Variants in DPP10 observed in about 807,000 individuals in gnomAD.
DPP10 encodes the protein inactive dipeptidyl peptidase 10.
DPP10 carries 33 observed loss-of-function variants against 120.9 expected under a neutral mutation model. The observed-to-expected ratio is 0.27, with a 90% confidence interval of 0.21 to 0.37. The LOEUF (loss-of-function observed/expected upper bound fraction) is 0.37. Among genes scored for constraint, DPP10 ranks in the 10% least tolerant of loss-of-function variants. The probability of loss-of-function intolerance (pLI) is 1.00; values close to 1 mark genes in which losing one functional copy is unlikely to be tolerated. For synonymous variants in DPP10, 337 were observed against 326.1 expected (o/e 1.03, Z -0.36); for missense variants, 816 against 942.8 (o/e 0.87, Z 1.76).
At chr2:115,112,335 G>A (rs952471599) in intron 1 of DPP10, among the ~76,000 whole-genome samples, 7 of 151,238 alleles carry the variant, frequency 4.6e-5, no homozygotes, top group African/African-American at 1.5e-4. Context: ...TTTCCTTTCC[G>A]TTCTATAAAG....
intron 1 of DPP10, among the ~76,000 whole-genome samples, chr2:115,198,555 G>C (rs2055455073): frequency 6.6e-6 from 1 of 152,090 alleles, no homozygotes; most frequent in South Asian, 2.1e-4. Context: ...TCTTCTCTCA[G>C]ATTTCTTCAT....
chr2:115,665,228 A>G (rs1339480361), intron 5 of DPP10, among the ~76,000 whole-genome samples: 2 of 152,216 alleles, frequency 1.3e-5, no homozygotes, highest in African/African-American at 4.8e-5. Context: ...AGCAGTCACA[A>G]TGTTACCGTG....
intron 3 of DPP10, among the ~76,000 whole-genome samples, chr2:115,441,565 T>C (rs890861928): frequency 1.3e-5 from 2 of 152,194 alleles, no homozygotes; most frequent in African/African-American, 4.8e-5. Context: ...CCTATGGTTA[T>C]GTTTGAATAT....
At chr2:115,472,886 A>C (rs1485009090) in intron 3 of DPP10, among the ~76,000 whole-genome samples, 3 of 152,200 alleles carry the variant, frequency 2.0e-5, no homozygotes. Context: ...CGCTTGACAA[A>C]ATTTCTAGAA....
intron 1 of DPP10, among the ~76,000 whole-genome samples, chr2:114,821,527 C>T (rs1177158601): frequency 6.6e-6 from 1 of 152,106 alleles, no homozygotes; most frequent in Non-Finnish European, 1.5e-5. Flanking sequence ...AAACACAACC[C>T]CACTTTCCCA....
intron 10 of DPP10, among the ~76,000 whole-genome samples, chr2:115,751,582 G>A (rs954557622): frequency 1.3e-5 from 2 of 152,102 alleles, no homozygotes; most frequent in Non-Finnish European, 2.9e-5. Context: ...GTCAAGTTAT[G>A]CTTGCCCTTC....
intron 5 of DPP10, among the ~76,000 whole-genome samples, chr2:115,614,695 G>A (rs980786367): frequency 4.6e-5 from 7 of 152,268 alleles, no homozygotes; most frequent in South Asian, 2.1e-4. Context: ...GTAAGCAACC[G>A]TGCCAGGCTA....
At chr2:115,407,942 T>C (rs1353084567) in intron 3 of DPP10, among the ~76,000 whole-genome samples, 1 of 152,052 alleles carries the variant, frequency 6.6e-6, no homozygotes, top group African/African-American at 2.4e-5. Flanking sequence ...GGGTACAGAC[T>C]GAAGATGAAT....
At chr2:114,753,649 C>T (rs991229875) in intron 1 of DPP10, among the ~76,000 whole-genome samples, 1 of 152,116 alleles carries the variant, frequency 6.6e-6, no homozygotes, top group East Asian at 1.9e-4. Flanking sequence ...GTGGCTCACG[C>T]CTGTAATCCC....
chr2:114,635,363 T>A (rs1163839384), intron 1 of DPP10, among the ~76,000 whole-genome samples: 1 of 151,864 alleles, frequency 6.6e-6, no homozygotes, highest in Non-Finnish European at 1.5e-5. Flanking sequence ...ATTAACACAG[T>A]GGACATAAAA....
intron 1 of DPP10, among the ~76,000 whole-genome samples, chr2:115,173,545 A>C (rs559333320): frequency 6.6e-6 from 1 of 152,210 alleles, no homozygotes; most frequent in Non-Finnish European, 1.5e-5. Context: ...CCTGTTGTAC[A>C]GTACCATCTG....
intron 1 of DPP10, among the ~76,000 whole-genome samples, chr2:115,307,579 G>A (rs925594840): frequency 6.6e-6 from 1 of 152,008 alleles, no homozygotes. Context: ...CAGTTCTTGA[G>A]ATGAGTATTT....
At chr2:115,452,458 G>A (rs2073182664) in intron 3 of DPP10, among the ~76,000 whole-genome samples, 1 of 151,802 alleles carries the variant, frequency 6.6e-6, no homozygotes, top group Non-Finnish European at 1.5e-5. Context: ...GTTCACTTAG[G>A]AGTGTCCTTG....
chr2:115,298,457 T>C (rs2060983006), intron 1 of DPP10, among the ~76,000 whole-genome samples: 1 of 152,052 alleles, frequency 6.6e-6, no homozygotes. Flanking sequence ...ACTGTGTCAC[T>C]CCAGGACTTA....
chr2:114,922,405 T>C (rs1009534809), intron 1 of DPP10, among the ~76,000 whole-genome samples: 3 of 152,186 alleles, frequency 2.0e-5, no homozygotes, highest in Non-Finnish European at 1.5e-5. Context: ...CTCCGCTTTC[T>C]GGGTTCAAAC....
chr2:115,046,828 A>G lies in DPP10; in HGVS notation c.61-262411A>G, dbSNP rs571523699. 9.8e-4 allele frequency among the ~76,000 whole-genome samples: 149 copies of G among 152,190 alleles called. 1 individual carries two copies. The Middle Eastern group carries it at 0.021, about 21-fold the overall frequency. On this transcript the variant is annotated intron_variant, in intron 1 of 25. Coordinates refer to ENST00000410059, the MANE Select transcript of DPP10 (RefSeq NM_020868.6). Reference sequence around the variant, plus strand: ...CATTCTTTGCAGGAAGTTATTATACATCAATTTTAATTATTTTAGTTTTAT... The same window carrying G: ...CATTCTTTGCAGGAAGTTATTATACGTCAATTTTAATTATTTTAGTTTTAT...
At chr2:115,210,127 C>T (rs751430393) in intron 1 of DPP10, among the ~76,000 whole-genome samples, 9 of 152,066 alleles carry the variant, frequency 5.9e-5, no homozygotes, top group Non-Finnish European at 1.3e-4. Context: ...CCCATTAACT[C>T]GTCATTTACA....
At chr2:115,636,175 C>T (rs2086316356) in intron 5 of DPP10, among the ~76,000 whole-genome samples, 1 of 150,590 alleles carries the variant, frequency 6.6e-6, no homozygotes, top group African/African-American at 2.4e-5. Context: ...ACAGACAAAT[C>T]TATGATGGTA....
intron 1 of DPP10, among the ~76,000 whole-genome samples, chr2:115,206,793 AT>A (rs2056164064): frequency 6.6e-6 from 1 of 152,208 alleles, no homozygotes; most frequent in African/African-American, 2.4e-5. Context: ...GCTAAGCCAT[AT>A]TAAATGGTAA....
Sources: gnomAD v4.1 joint callset for allele counts (sites outside exome capture counted in the v4.1 genomes callset) on GRCh38, gnomAD v4.1.1 for gene constraint, MANE v1.5 for transcripts, NCBI Gene and HGNC (gene_info 2026-07-23, HGNC 2026-07-21) for gene names.